Variants in LHFPL6 observed in about 807,000 individuals in gnomAD.
LHFPL6 encodes the protein LHFPL tetraspan subfamily member 6.
In LHFPL6, 9 loss-of-function variants were observed where a neutral mutation model predicts 20.6. The ratio of observed to expected loss-of-function variants is 0.44; its 90% CI spans 0.26 to 0.76. The LOEUF is 0.76. Ranked by LOEUF, LHFPL6 falls within the 30% of genes least tolerant of loss-of-function variation. The probability of loss-of-function intolerance (pLI) is 0.20; values close to 1 mark genes in which losing one functional copy is unlikely to be tolerated. For synonymous variants in LHFPL6, 105 were observed against 98.7 expected (o/e 1.06, Z -0.38); for missense variants, 218 against 253.5 (o/e 0.86, Z 0.95).
At chr13:39,471,600 C>A (rs538079098) in intron 2 of LHFPL6, among the ~76,000 whole-genome samples, 1 of 152,254 alleles carries the variant, frequency 6.6e-6, no homozygotes, top group South Asian at 2.1e-4. Context: ...TTTCTGAACC[C>A]CCACATACTG....
Position 39,413,434 on chromosome 13 carries a change from A to ATT in LHFPL6, c.386-34910_386-34909dup, listed in dbSNP as rs11292419. On this transcript the variant is annotated intron_variant, in intron 2 of 3. Transcript: ENST00000379589. ...AATGTCAAACCCGAAACTACTCAGG[A>ATT]TTTTTTTTTTTTTTTTTTAGGAATT... Among the ~76,000 whole-genome samples, 112 of 117,796 alleles carry ATT rather than the reference A, an allele frequency of 9.5e-4. 2 individuals are homozygous for ATT. Among genetic ancestry groups the ATT allele is most frequent in the Admixed American group, 1.2e-3 (13 of 11,146 alleles). The allele number at this position is 117,796 out of a possible 152,430, so 77.3% of individuals were successfully genotyped here. A position where few individuals can be genotyped will look rare whatever the true frequency, so the allele number is the denominator to read the frequency against.
At chr13:39,518,149 C>T (rs1015144595) in intron 2 of LHFPL6, among the ~76,000 whole-genome samples, 1 of 150,560 alleles carries the variant, frequency 6.6e-6, no homozygotes, top group South Asian at 2.2e-4. Context: ...TTTCGAATAG[C>T]GACGCTCAAA....
At chr13:39,384,400 A>G (rs1442303969) in intron 2 of LHFPL6, among the ~76,000 whole-genome samples, 1 of 152,206 alleles carries the variant, frequency 6.6e-6, no homozygotes, top group African/African-American at 2.4e-5. Context: ...GAAGTCAACT[A>G]GTATTTTGTT....
intron 2 of LHFPL6, among the ~76,000 whole-genome samples, chr13:39,590,337 C>T (rs1334441551): frequency 6.6e-6 from 1 of 152,204 alleles, no homozygotes; most frequent in Admixed American, 6.5e-5. Context: ...ACCAAAAGCT[C>T]TGTGAAGTTC....
chr13:39,498,549 T>A (rs955816916), intron 2 of LHFPL6, among the ~76,000 whole-genome samples: 17 of 152,206 alleles, frequency 1.1e-4, no homozygotes, highest in African/African-American at 3.9e-4. Flanking sequence ...AGAAGATCAG[T>A]AGAGACTGAA....
intron 2 of LHFPL6, among the ~76,000 whole-genome samples, chr13:39,468,730 A>C (rs1356834401): frequency 6.6e-6 from 1 of 152,156 alleles, no homozygotes; most frequent in Admixed American, 6.5e-5. Flanking sequence ...ACCACTTATG[A>C]CTTCTCTGCA....
chr13:39,595,075 A>G (rs1461443061), intron 2 of LHFPL6, among the ~76,000 whole-genome samples: 1 of 152,182 alleles, frequency 6.6e-6, no homozygotes. Flanking sequence ...TAGGTAACAA[A>G]CCTGCACGTT....
intron 2 of LHFPL6, among the ~76,000 whole-genome samples, chr13:39,392,471 G>T (rs560187434): frequency 6.6e-6 from 1 of 152,256 alleles, no homozygotes; most frequent in East Asian, 1.9e-4. Flanking sequence ...GCAGGCACCT[G>T]TAATCCCAGC....
intron 2 of LHFPL6, among the ~76,000 whole-genome samples, chr13:39,484,797 G>A (rs1210038219): frequency 6.6e-6 from 1 of 152,190 alleles, no homozygotes; most frequent in Non-Finnish European, 1.5e-5. Flanking sequence ...GAATGAGGAG[G>A]AGGTGAGAAA....
At chr13:39,560,393 A>G (rs1871433123) in intron 2 of LHFPL6, among the ~76,000 whole-genome samples, 1 of 152,110 alleles carries the variant, frequency 6.6e-6, no homozygotes, top group African/African-American at 2.4e-5. Context: ...TTTGTCTCCC[A>G]AGCCTGTGGA....
chr13:39,549,097 G>C (rs1871068753), intron 2 of LHFPL6, among the ~76,000 whole-genome samples: 1 of 152,072 alleles, frequency 6.6e-6, no homozygotes, highest in South Asian at 2.1e-4. Context: ...ATGATCAAAA[G>C]ATTTTGAAGA....
At chr13:39,497,374 C>G (rs1219272171) in intron 2 of LHFPL6, among the ~76,000 whole-genome samples, 2 of 152,032 alleles carry the variant, frequency 1.3e-5, no homozygotes, top group Non-Finnish European at 2.9e-5. Flanking sequence ...AATAACTTTG[C>G]CATAATTAAG....
rs1369993257 is a variant in LHFPL6, at chr13:39,562,553, TAC to T, written c.385+38277_385+38278del. ...ACACATATATACACATATACATATATACACATACATATACACATACATATATA... is the reference window on the plus strand; with the variant it reads ...ACACATATATACACATATACATATATACATACATATACACATACATATATA... On this transcript the variant is annotated intron_variant, in intron 2 of 3. Transcript: ENST00000379589. 1.2e-3 allele frequency among the ~76,000 whole-genome samples: 97 copies of T among 84,084 alleles called. 1 individual carries two copies. Among genetic ancestry groups the T allele is most frequent in the Non-Finnish European group, 2.1e-3 (67 of 32,520 alleles). The allele number at this position is 84,084 out of a possible 152,430, so 55.2% of individuals were successfully genotyped here.
intron 2 of LHFPL6, among the ~76,000 whole-genome samples, chr13:39,445,742 G>T (rs1195320936): frequency 6.6e-6 from 1 of 152,112 alleles, no homozygotes; most frequent in Non-Finnish European, 1.5e-5. Context: ...AGAATAAACT[G>T]GTCTCTTCAA....
intron 2 of LHFPL6, among the ~76,000 whole-genome samples, chr13:39,592,087 A>C (rs1872620786): frequency 6.6e-6 from 1 of 150,906 alleles, no homozygotes; most frequent in East Asian, 1.9e-4. Context: ...CAAAAGCAAA[A>C]CTCCGTCTCA....
chr13:39,503,307 G>A (rs1869358984), intron 2 of LHFPL6, among the ~76,000 whole-genome samples: 2 of 152,078 alleles, frequency 1.3e-5, no homozygotes, highest in South Asian at 2.1e-4. Flanking sequence ...TGTTCCCTCT[G>A]CCTCTAACAC....
At chr13:39,470,861 A>G (rs9741222) in intron 2 of LHFPL6, among the ~76,000 whole-genome samples, 3,005 of 152,332 alleles carry the variant, frequency 0.02, 102 homozygotes, top group African/African-American at 0.068. Flanking sequence ...AATACTAAAC[A>G]TTTCCATTAG....
chr13:39,400,319 G>A (rs1870952599), intron 2 of LHFPL6, among the ~76,000 whole-genome samples: 3 of 152,078 alleles, frequency 2.0e-5, no homozygotes, highest in South Asian at 4.1e-4. Flanking sequence ...AAATAATCAG[G>A]TGTTTGGTTT....
intron 3 of LHFPL6, among the ~76,000 whole-genome samples, chr13:39,368,188 G>A (rs996868902): frequency 5.3e-5 from 8 of 151,852 alleles, no homozygotes; most frequent in Non-Finnish European, 7.4e-5. Context: ...AAAATTAGCC[G>A]GGCATTGTTG....
Sources: allele counts gnomAD v4.1 joint callset (sites outside exome capture counted in the v4.1 genomes callset), GRCh38; gene constraint gnomAD v4.1.1; transcripts MANE v1.5; gene names NCBI Gene and HGNC (gene_info 2026-07-23, HGNC 2026-07-21).